Variants in NWD2 observed in about 807,000 individuals in gnomAD.
NWD2 encodes the protein NACHT and WD repeat domain-containing protein 2.
NWD2 carries 37 observed loss-of-function variants against 132.7 expected under a neutral mutation model. The observed-to-expected ratio is 0.28, with a 90% CI of 0.21 to 0.37. The LOEUF is 0.37. Ranked by LOEUF, NWD2 falls within the 10% of genes least tolerant of loss-of-function variation. The pLI is 1.00. For missense variants in NWD2, 1,592 were observed against 2,122.4 expected (o/e 0.75, Z 4.91); for synonymous variants, 705 against 803.0 (o/e 0.88, Z 2.06).
intron 1 of NWD2, among the ~76,000 whole-genome samples, chr4:37,255,285 G>A (rs771430948): frequency 1.3e-5 from 2 of 152,174 alleles, no homozygotes; most frequent in Non-Finnish European, 2.9e-5. Flanking sequence ...TCCCGGTGTG[G>A]CATGAGCTGT....
chr4:37,413,215 C>G (rs553284775), intron 3 of NWD2, among the ~76,000 whole-genome samples: 1 of 152,300 alleles, frequency 6.6e-6, no homozygotes, highest in East Asian at 1.9e-4. Flanking sequence ...TTTTTGCAAT[C>G]TATCCATCTG....
At chr4:37,284,469 G>A (rs1190545535) in intron 1 of NWD2, among the ~76,000 whole-genome samples, 1 of 152,104 alleles carries the variant, frequency 6.6e-6, no homozygotes, top group African/African-American at 2.4e-5. Flanking sequence ...TGAGCCCCAG[G>A]ACCCCACAGC....
intron 2 of NWD2, among the ~76,000 whole-genome samples, chr4:37,329,055 G>A (rs543011183): frequency 6.6e-6 from 1 of 152,014 alleles, no homozygotes; most frequent in South Asian, 2.1e-4. Flanking sequence ...AAAAATGAAT[G>A]AATGAAGACC....
At chr4:37,324,134 T>G (rs1719123520) in intron 1 of NWD2, among the ~76,000 whole-genome samples, 1 of 152,094 alleles carries the variant, frequency 6.6e-6, no homozygotes, top group African/African-American at 2.4e-5. Context: ...AACCTGCACA[T>G]GTACCCCCTG....
At position 37,443,957 on chromosome 4, in the gene NWD2, C is replaced by T; in HGVS notation, c.1969C>T (p.Leu657=). Residue 657 remains leucine (L), a synonymous_variant, in exon 7 of 7, where the codon CTG becomes TTG. Coordinates refer to ENST00000309447, the MANE Select transcript of NWD2 (RefSeq NM_001144990.2). The surrounding 1 kb of genome is among the most constrained non-coding windows in gnomAD (Gnocchi z 4.1). ...CTTGGAGAAGAAGTGTGGTCAGAAA[C>T]TGGTCTCTAGGGCTCTTGGTTACAT... ...WSLEKKCGQK[L]VSRALGYITM... 2 of 1,552,326 alleles carry T rather than the reference C, an allele frequency of 1.3e-6. No homozygotes were observed. Among genetic ancestry groups the T allele is most frequent in the Non-Finnish European group, 1.7e-6 (2 of 1,147,140 alleles).
intron 1 of NWD2, among the ~76,000 whole-genome samples, chr4:37,286,815 G>A (rs147053973): frequency 1.2e-4 from 18 of 152,196 alleles, no homozygotes; most frequent in African/African-American, 3.6e-4. Context: ...TTTACTGCTT[G>A]TATTCTCACA....
At chr4:37,332,259 C>T (rs577356856) in intron 2 of NWD2, among the ~76,000 whole-genome samples, 36 of 152,230 alleles carry the variant, frequency 2.4e-4, no homozygotes, top group African/African-American at 8.4e-4. Flanking sequence ...GTGCAGCTCA[C>T]GGCTCTGGGA....
intron 1 of NWD2, among the ~76,000 whole-genome samples, chr4:37,301,479 T>G (rs139417158): frequency 2.0e-5 from 3 of 152,212 alleles, no homozygotes; most frequent in African/African-American, 7.2e-5. Flanking sequence ...TGTCTCCATA[T>G]ATTATGCCTA....
chr4:37,437,396 C>T (rs1036689083), intron 5 of NWD2, among the ~76,000 whole-genome samples: 5 of 152,176 alleles, frequency 3.3e-5, no homozygotes, highest in African/African-American at 1.2e-4. Context: ...GCTCTGCCCT[C>T]ATGAACTAAT....
intron 1 of NWD2, among the ~76,000 whole-genome samples, chr4:37,313,887 A>G (rs1290486911): frequency 6.6e-6 from 1 of 150,960 alleles, no homozygotes; most frequent in Non-Finnish European, 1.5e-5. Flanking sequence ...TAGTAGAGAC[A>G]GGATTTCACC....
At chr4:37,427,223 G>T (rs951598199) in intron 3 of NWD2, among the ~76,000 whole-genome samples, 3 of 152,022 alleles carry the variant, frequency 2.0e-5, no homozygotes, top group African/African-American at 7.2e-5. Context: ...TCCCTATTTT[G>T]CCCATGTGGG....
In NWD2 at chr4:37,445,076, A is replaced by C. The variant is rs1712596680; in HGVS notation, c.3088A>C (p.Asn1030His). ...DEKYLVVATT[N>H]NTLLIYDNVN... is the part of the protein sequence containing the mutation. ...AAAGTACCTTGTGGTGGCTACAACA[A>C]ATAACACCTTGTTGATTTATGACAA... is the stretch of plus-strand genomic sequence containing the variant. Residue 1030 changes from asparagine to histidine, a missense_variant, in exon 7 of 7, where the codon AAT becomes CAT. Asn to His is a moderately conservative substitution (Grantham distance 68). Transcript: ENST00000309447. This position sits in a 1 kb window ranked among gnomAD's most constrained non-coding sequence, Gnocchi z 4.7. 1 of 1,551,698 alleles carries C rather than the reference A, an allele frequency of 6.4e-7. No individual in the cohort carries two copies. The highest frequency in any genetic ancestry group is 1.2e-5 in the South Asian group (1 of 84,070).
Position 37,284,819 on chromosome 4 carries a change from A to G in NWD2, c.151+39601A>G, listed in dbSNP as rs1718194118. Among the ~76,000 whole-genome samples the G allele has an allele frequency of 2.0e-5, 3 of 151,804 alleles. No homozygotes were observed. In the South Asian group the frequency reaches 6.2e-4, roughly 32 times the overall value. On this transcript the variant is annotated intron_variant, in intron 1 of 6. Transcript: ENST00000309447. ...CACATTTGTGCCTCTTCAGCTGTGC[A>G]CTCTCCTTGTGTCCCTTCAATGGCT...
intron 1 of NWD2, 65 bp from the exon 2 acceptor site, chr4:37,325,871 A>AT: frequency 2.1e-6 from 2 of 963,542 alleles, no homozygotes; most frequent in Non-Finnish European, 3.1e-6. Context: ...TTAGGTTTTC[A>AT]TTTTTTTGCC....
chr4:37,401,757 T>C (rs976535373), intron 3 of NWD2, among the ~76,000 whole-genome samples: 1 of 152,238 alleles, frequency 6.6e-6, no homozygotes, highest in Non-Finnish European at 1.5e-5. Flanking sequence ...CACACCTTTC[T>C]GGTTCTTTGA....
At chr4:37,305,075 G>T (rs754411687) in intron 1 of NWD2, among the ~76,000 whole-genome samples, 1 of 152,186 alleles carries the variant, frequency 6.6e-6, no homozygotes, top group Non-Finnish European at 1.5e-5. Context: ...CTGGGCACTC[G>T]CAGGCTCAAC....
intron 5 of NWD2, among the ~76,000 whole-genome samples, chr4:37,435,500 C>A (rs1224587545): frequency 2.0e-5 from 3 of 152,130 alleles, no homozygotes; most frequent in Non-Finnish European, 4.4e-5. Flanking sequence ...CCTTTGGAAC[C>A]TTTAGATCCA....
chr4:37,428,548 CAT>C (rs1420221146), intron 3 of NWD2, among the ~76,000 whole-genome samples: 1 of 152,250 alleles, frequency 6.6e-6, no homozygotes. Flanking sequence ...CTTGCTAAAA[CAT>C]AAATTGCTCA....
intron 3 of NWD2, among the ~76,000 whole-genome samples, chr4:37,359,003 C>T (rs1285458039): frequency 6.6e-6 from 1 of 152,162 alleles, no homozygotes; most frequent in African/African-American, 2.4e-5. Context: ...TGGGAAACCT[C>T]AATTACTGTG....
Sources: allele counts gnomAD v4.1 joint callset (sites outside exome capture counted in the v4.1 genomes callset), GRCh38; gene constraint gnomAD v4.1.1; non-coding constraint Gnocchi (gnomAD v3.1); transcripts MANE v1.5; gene names NCBI Gene and HGNC (gene_info 2026-07-23, HGNC 2026-07-21).